NBPF26: variants seen among roughly 807,000 people sequenced by gnomAD.
NBPF26 encodes NBPF family member NBPF26.
Under a neutral mutation model 119.6 loss-of-function variants are expected in NBPF26, and 79 were observed. The ratio of observed to expected loss-of-function variants is 0.66; its 90% confidence interval spans 0.55 to 0.80. The LOEUF is 0.80. Ranked by LOEUF, NBPF26 falls within the 30% of genes least tolerant of loss-of-function variation. The probability of loss-of-function intolerance (pLI) is 0.00; values close to 1 mark genes in which losing one functional copy is unlikely to be tolerated. For missense variants in NBPF26, 800 were observed against 1,198.2 expected, an observed-to-expected ratio of 0.67 and a Z score of 4.91; for synonymous variants, 299 against 457.7, an observed-to-expected ratio of 0.65 and a Z score of 4.43.
intron 1 of NBPF26, among the ~76,000 whole-genome samples, chr1:120,748,124 T>C (rs1650993847): frequency 1.6e-5 from 1 of 61,790 alleles, no homozygotes; most frequent in Non-Finnish European, 2.9e-5. Context: ...TTTTTTTTTT[T>C]TTTTTTTTTT....
intron 2 of NBPF26, among the ~76,000 whole-genome samples, chr1:120,769,685 C>T (rs1207032258): frequency 8.5e-6 from 1 of 117,960 alleles, no homozygotes; most frequent in Non-Finnish European, 1.6e-5. Flanking sequence ...TTTATGTGTA[C>T]CACATATAAC....
rs1652491686 is a variant in NBPF26 at position 120,840,468 on chromosome 1, A to C, written c.4222A>C (p.Ser1408Arg). Reference sequence around the variant, plus strand: ...ACCTGACTCATTCCAGCACTACAGAAGTGTGTTTTACTCATTTGAGGAAGA... The same window carrying C: ...ACCTGACTCATTCCAGCACTACAGACGTGTGTTTTACTCATTTGAGGAAGA... Residue 1408 changes from serine to arginine, a missense_variant, in exon 30 of 30, where the codon AGT becomes CGT. Ser to Arg is a moderately radical substitution (Grantham distance 110). This residue lies in a region of NBPF26 where 155 missense variants were observed against 95.9 expected (regional missense o/e 1.62). Coordinates refer to ENST00000620612, the Ensembl canonical transcript of NBPF26. The C allele has an allele frequency of 1.5e-5, 22 of 1,479,328 alleles. 5 individuals carry two copies. The highest frequency in any genetic ancestry group is 1.9e-5 in the Non-Finnish European group (21 of 1,092,814). The allele number at this position is 1,479,328 out of a possible 1,614,324, so 91.6% of individuals were successfully genotyped here.
Position 120,818,031 on chromosome 1 carries a change from G to T in NBPF26, c.2372-92G>T. ...AATCCTTATTCTTGCACTGAGAATA[G>T]TTATGTCCTTGTGCTATGACTGGAC... On this transcript the variant is annotated intron_variant, in intron 14 of 29. Coordinates refer to ENST00000620612, the Ensembl canonical transcript of NBPF26. The T allele has an allele frequency of 1.2e-5, 6 of 504,620 alleles. 1 individual carries two copies. The South Asian group carries it at 1.3e-4, about 11-fold the overall frequency. 31.3% of individuals were successfully genotyped at this position (504,620 alleles called of 1,614,324 possible).
chr1:120,830,033 G>A (rs1156510994), intron 19 of NBPF26, among the ~76,000 whole-genome samples: 1 of 121,684 alleles, frequency 8.2e-6, no homozygotes, highest in African/African-American at 4.6e-5. Context: ...TACCTCAAAG[G>A]CTGTATGGCA....
Position 120,733,124 on chromosome 1 carries a change from T to A in NBPF26, c.73+8874T>A, listed in dbSNP as rs1272953876. The stretch of plus-strand genomic sequence containing the variant: ...CTGTTGATTTATTTTTATATATATA[T>A]ATATATATGTTTAGTTTATGAACAG... On this transcript the variant is annotated intron_variant, in intron 1 of 29. Transcript: ENST00000620612. Among the ~76,000 whole-genome samples, 2 of 92,220 alleles carry A rather than the reference T, an allele frequency of 2.2e-5. 1 individual carries two copies. The highest frequency in any genetic ancestry group is 3.8e-5 in the Non-Finnish European group (2 of 51,954). The allele number at this position is 92,220 out of a possible 152,430, so 60.5% of individuals were successfully genotyped here. A position where few individuals can be genotyped will look rare whatever the true frequency, so the allele number is the denominator to read the frequency against.
rs1652029609 is a variant in NBPF26, at chr1:120,817,271, G to A, written c.2371+444G>A. Among the ~76,000 whole-genome samples the A allele has an allele frequency of 2.6e-4, 29 of 113,112 alleles. 8 individuals are homozygous for A. The South Asian group carries it at 7.0e-3, about 27-fold the overall frequency. 74.2% of individuals were successfully genotyped at this position (113,112 alleles called of 152,430 possible). A position where few individuals can be genotyped will look rare whatever the true frequency, so the allele number is the denominator to read the frequency against. On this transcript the variant is annotated intron_variant, in intron 14 of 29. Transcript: ENST00000620612. Reference sequence around the variant, plus strand: ...ATCTGGATCTCCTTTAAGTCAGCTTGCTTAGCTGCACAGTCACCCTGAAAT... The same window carrying A: ...ATCTGGATCTCCTTTAAGTCAGCTTACTTAGCTGCACAGTCACCCTGAAAT...
At chr1:120,806,001 G>T (rs1441086684) in intron 5 of NBPF26, among the ~76,000 whole-genome samples, 1 of 109,736 alleles carries the variant, frequency 9.1e-6, no homozygotes, top group Non-Finnish European at 1.8e-5. Flanking sequence ...CACAGTTATT[G>T]ATTTCTAACA....
At chr1:120,765,732 A>G (rs1436713164) in intron 2 of NBPF26, among the ~76,000 whole-genome samples, 1 of 117,990 alleles carries the variant, frequency 8.5e-6, no homozygotes, top group Non-Finnish European at 1.7e-5. Flanking sequence ...AACCAACCCA[A>G]ATGCCCAACG....
At position 120,737,673 on chromosome 1, in the gene NBPF26, C is replaced by T. The variant is rs1650920351; in HGVS notation, c.73+13423C>T. Among the ~76,000 whole-genome samples the T allele has an allele frequency of 1.7e-5, 2 of 116,926 alleles. 1 individual carries two copies. Among genetic ancestry groups the T allele is most frequent in the Non-Finnish European group, 3.4e-5 (2 of 59,558 alleles). 76.7% of individuals were successfully genotyped at this position (116,926 alleles called of 152,430 possible). On this transcript the variant is annotated intron_variant, in intron 1 of 29. Transcript: ENST00000620612. The stretch of plus-strand genomic sequence containing the variant: ...AAAATAATTTGCCTGTGAACCTCTG[C>T]CTGTCCCTTTGGACTTCTTTGTACT...
In NBPF26 at chr1:120,728,023, C is replaced by A. The variant is rs1650834573; in HGVS notation, c.73+3773C>A. ...ATGTTCATTGTTCATGGTCACAGAG[C>A]CAATTAGAGTTGAGACTAGAATTCC... On this transcript the variant is annotated intron_variant, in intron 1 of 29. Transcript: ENST00000620612. Among the ~76,000 whole-genome samples, 4 of 118,818 alleles carry A rather than the reference C, an allele frequency of 3.4e-5. 2 individuals are homozygous for A. The highest frequency in any genetic ancestry group is 9.6e-5 in the African/African-American group (2 of 20,824). The allele number at this position is 118,818 out of a possible 152,430, so 77.9% of individuals were successfully genotyped here.
chr1:120,727,250 G>A (rs1299856064), intron 1 of NBPF26, among the ~76,000 whole-genome samples: 1,418 of 81,434 alleles, frequency 0.017, 2 homozygotes, highest in African/African-American at 0.065. Context: ...AGGTTTACAG[G>A]TGATTCTGAC....
chr1:120,811,817 A>T, intron 9 of NBPF26, 69 bp from the exon 10 acceptor site: 1 of 700,666 alleles, frequency 1.4e-6, no homozygotes. Context: ...GACATCCCTC[A>T]GTCCTGATTA....
chr1:120,812,208 G>A, intron 10 of NBPF26, 113 bp downstream of exon 10: 3 of 731,400 alleles, frequency 4.1e-6, no homozygotes, highest in South Asian at 3.1e-5. Flanking sequence ...GTACTTCTAG[G>A]AAAACAGAAA....
intron 9 of NBPF26, among the ~76,000 whole-genome samples, chr1:120,811,012 G>T (rs1214131790): frequency 9.6e-6 from 1 of 104,466 alleles, no homozygotes; most frequent in Non-Finnish European, 1.8e-5. Context: ...AGGCCGAGGC[G>T]GGTGGATCAT....
rs1651660905 is a variant in NBPF26, at chr1:120,805,544, T to C, written c.752-12T>C. On this transcript the variant is annotated splice_polypyrimidine_tract_variant and intron_variant, in intron 4 of 29. Coordinates refer to ENST00000620612, the Ensembl canonical transcript of NBPF26. ...TTTTAACCCATCATATGTTTGGGTT[T>C]CTTCTCCCCAGTCCCTGACTCCACC... 31 of 1,307,902 alleles carry C rather than the reference T, an allele frequency of 2.4e-5. 3 individuals are homozygous for C. Among genetic ancestry groups the C allele is most frequent in the Non-Finnish European group, 3.2e-5 (30 of 942,300 alleles). 81.0% of individuals were successfully genotyped at this position (1,307,902 alleles called of 1,614,324 possible).
rs1223162503 is a variant in NBPF26 at position 120,823,078 on chromosome 1, C to T, written c.2588-231C>T. 2.6e-4 allele frequency among the ~76,000 whole-genome samples: 31 copies of T among 119,510 alleles called. 4 individuals carry two copies. Among genetic ancestry groups the T allele is most frequent in the Admixed American group, 2.4e-3 (30 of 12,344 alleles). 78.4% of individuals were successfully genotyped at this position (119,510 alleles called of 152,430 possible). A position where few individuals can be genotyped will look rare whatever the true frequency, so the allele number is the denominator to read the frequency against. The stretch of plus-strand genomic sequence containing the variant: ...GTGTACATAAACCTAGGACAGAGCA[C>T]ATAGGGAAGATAACATTCCAACACA... On this transcript the variant is annotated intron_variant, in intron 16 of 29. Transcript: ENST00000620612.
rs1465087159 is a variant in NBPF26, at chr1:120,793,365, G to T, written c.620G>T (p.Cys207Phe). 3.4e-5 allele frequency: 49 copies of T among 1,427,224 alleles called. 11 individuals carry two copies. The highest frequency in any genetic ancestry group is 4.7e-5 in the East Asian group (2 of 42,636). 88.4% of individuals were successfully genotyped at this position (1,427,224 alleles called of 1,614,324 possible). The change falls in exon 4 of 30, where the codon TGC becomes TTC. Residue 207 changes from cysteine (C) to phenylalanine (F), a missense_variant. This residue lies in a region of NBPF26 where 155 missense variants were observed against 143.7 expected (regional missense o/e 1.08). Coordinates refer to ENST00000620612, the Ensembl canonical transcript of NBPF26. Reference sequence around the variant, plus strand: ...CTCAACCTGCCTGGTTCCTACCAGTGCCAGTGCCTTCAGGGCTTCACAGGC... The same window carrying T: ...CTCAACCTGCCTGGTTCCTACCAGTTCCAGTGCCTTCAGGGCTTCACAGGC...
chr1:120,784,913 G>A, intron 2 of NBPF26, 61 bp from the exon 3 acceptor site: 1 of 1,025,732 alleles, frequency 9.7e-7, no homozygotes, highest in South Asian at 1.4e-5. Flanking sequence ...TTGTTTTACT[G>A]TAATTTTTTG....
rs1207326563 is a variant in NBPF26 at position 120,745,180 on chromosome 1, A to T, written c.74-18448A>T. Among the ~76,000 whole-genome samples the T allele has an allele frequency of 1.8e-5, 2 of 109,816 alleles. 1 individual carries two copies. The highest frequency in any genetic ancestry group is 1.1e-4 in the African/African-American group (2 of 18,214). The allele number at this position is 109,816 out of a possible 152,430, so 72.0% of individuals were successfully genotyped here. ...TGGTATTGGGCCTGTCTAATTGCAAAGCCACATTCTTTACTGCACGCTTTA... is the reference window on the plus strand; with the variant it reads ...TGGTATTGGGCCTGTCTAATTGCAATGCCACATTCTTTACTGCACGCTTTA... On this transcript the variant is annotated intron_variant, in intron 1 of 29. Transcript: ENST00000620612.
Sources: allele counts gnomAD v4.1 joint callset (sites outside exome capture counted in the v4.1 genomes callset), GRCh38; gene constraint gnomAD v4.1.1; regional missense constraint gnomAD v4.1.1; transcripts MANE v1.5; gene names NCBI Gene and HGNC (gene_info 2026-07-23, HGNC 2026-07-21).